Variants in LHX4 observed in about 807,000 individuals in gnomAD.
The protein encoded by LHX4 is LIM/homeobox protein Lhx4.
A neutral mutation model predicts 39.2 loss-of-function variants in LHX4; 16 were observed. The ratio of observed to expected loss-of-function variants is 0.41; its 90% CI spans 0.28 to 0.62. The LOEUF is 0.62. LHX4 is among the 20% of genes least tolerant of loss of function. The pLI, the probability that LHX4 is intolerant of heterozygous loss-of-function variation, is 0.33. For synonymous variants in LHX4, 206 were observed against 198.1 expected, an observed-to-expected ratio of 1.04 and a Z score of -0.33; for missense variants, 439 against 511.9, an observed-to-expected ratio of 0.86 and a Z score of 1.37.
chr1:180,274,274 T>C lies in LHX4; in HGVS notation c.868T>C (p.Phe290Leu). ...VTGGQLMNGS[F>L]SMDGTGQSYQ... ...AGGCGGACAGTTAATGAATGGGAGC[T>C]TCTCCATGGACGGGACAGGACAATC... is the stretch of plus-strand genomic sequence containing the variant. The change falls in exon 6 of 6, where the codon TTC becomes CTC. Residue 290 changes from phenylalanine to leucine, a missense_variant. Phe to Leu is a conservative substitution (Grantham distance 22, BLOSUM62 0). Coordinates refer to ENST00000263726, the MANE Select transcript of LHX4 (RefSeq NM_033343.4). 4.3e-6 allele frequency: 7 copies of C among 1,614,226 alleles called. No homozygotes were observed. The highest frequency in any genetic ancestry group is 5.9e-6 in the Non-Finnish European group (7 of 1,180,046).
upstream of LHX4, among the ~76,000 whole-genome samples, chr1:180,229,296 G>T (rs940972337): frequency 6.6e-6 from 1 of 152,216 alleles, no homozygotes; most frequent in Admixed American, 6.5e-5. Flanking sequence ...CTAAGACAGG[G>T]CCGAGCTGGA....
chr1:180,270,283 G>C (rs1363595498), intron 3 of LHX4: 2 of 152,380 alleles, frequency 1.3e-5, no homozygotes, highest in Non-Finnish European at 2.9e-5. Context: ...GGGTTTTCTT[G>C]AATGGAAAGA....
chr1:180,230,510 T>C lies in LHX4; in HGVS notation c.-20T>C, dbSNP rs772211404. ...GCGAGAGATCTCCGTAGACTGCGACTCGCTGGCTTTCGCTCCGAGATGATG... is the reference window on the plus strand; with the variant it reads ...GCGAGAGATCTCCGTAGACTGCGACCCGCTGGCTTTCGCTCCGAGATGATG... On this transcript the variant is annotated 5_prime_UTR_variant, in exon 1 of 6. Coordinates refer to ENST00000263726, the MANE Select transcript of LHX4 (RefSeq NM_033343.4). This position sits in a 1 kb window ranked among gnomAD's most constrained non-coding sequence, Gnocchi z 5.8. 2 of 1,609,592 alleles carry C rather than the reference T, an allele frequency of 1.2e-6. No homozygotes were observed. The highest frequency in any genetic ancestry group is 2.2e-5 in the South Asian group (2 of 90,778).
In LHX4 at chr1:180,274,231, C is replaced by A; in HGVS notation, c.825C>A (p.Gly275=). 1 of 1,614,188 alleles carries A rather than the reference C, an allele frequency of 6.2e-7. No individual in the cohort carries two copies. Among genetic ancestry groups the A allele is most frequent in the Non-Finnish European group, 8.5e-7 (1 of 1,180,018 alleles). ...TTGGCCACACCAATAGGATTTATGG[C>A]AACGTGGGGGACGTTACAGGCGGAC... The part of the protein sequence containing the change: ...SELGHTNRIY[G]NVGDVTGGQL... Residue 275 remains glycine (G), a synonymous_variant, in exon 6 of 6, where the codon GGC becomes GGA. Transcript: ENST00000263726.
intron 2 of LHX4, among the ~76,000 whole-genome samples, chr1:180,262,379 A>T (rs1473301668): frequency 6.6e-6 from 1 of 151,388 alleles, no homozygotes; most frequent in Non-Finnish European, 1.5e-5. Context: ...ACCTGTCTTT[A>T]CTGCCTCCTT....
chr1:180,242,747 G>A (rs938850732), intron 1 of LHX4, among the ~76,000 whole-genome samples: 4 of 152,158 alleles, frequency 2.6e-5, no homozygotes, highest in African/African-American at 9.7e-5. Context: ...ACCCTCTGCA[G>A]AGCCCCAGCA....
In LHX4 at chr1:180,266,774, C is replaced by T. The variant is rs1243126055; in HGVS notation, c.451+180C>T. ...TGAGAGTAAATGCTGAACACCTCCC[C>T]GGCCGTTAGCACTCGCCGGCTTCAT... On this transcript the variant is annotated intron_variant, in intron 3 of 5. Coordinates refer to ENST00000263726, the MANE Select transcript of LHX4 (RefSeq NM_033343.4). This position sits in a 1 kb window ranked among gnomAD's most constrained non-coding sequence, Gnocchi z 5.7. 1.3e-5 allele frequency among the ~76,000 whole-genome samples: 2 copies of T among 152,202 alleles called. No homozygotes were observed. Among genetic ancestry groups the T allele is most frequent in the East Asian group, 1.9e-4 (1 of 5,198 alleles).
Position 180,277,326 on chromosome 1 carries a change from A to G in LHX4, c.*2747A>G, listed in dbSNP as rs940571593. ...TAGAGGCACTCCTCTGTTGCTTGGA[A>G]GTCTATTATGGGGTATAAGGTGCTA... On this transcript the variant is annotated 3_prime_UTR_variant, in exon 6 of 6. Transcript: ENST00000263726. 1 of 152,228 alleles carries G rather than the reference A, an allele frequency of 6.6e-6. No homozygotes were observed. Among genetic ancestry groups the G allele is most frequent in the Non-Finnish European group, 1.5e-5 (1 of 68,048 alleles). The allele number at this position is 152,228 out of a possible 1,614,324, so 9.4% of individuals were successfully genotyped here.
chr1:180,252,185 G>A (rs1304193331), intron 2 of LHX4, among the ~76,000 whole-genome samples: 1 of 152,180 alleles, frequency 6.6e-6, no homozygotes, highest in African/African-American at 2.4e-5. Context: ...ATGTCACCAG[G>A]CACCTCTTTC....
At position 180,242,819 on chromosome 1, in the gene LHX4, C is replaced by T. The variant is rs140104014; in HGVS notation, c.77-5466C>T. Among the ~76,000 whole-genome samples the T allele has an allele frequency of 9.0e-3, 1,365 of 152,226 alleles. 14 individuals are homozygous for T. The highest frequency in any genetic ancestry group is 0.061 in the Middle Eastern group (18 of 294). On this transcript the variant is annotated intron_variant, in intron 1 of 5. Coordinates refer to ENST00000263726, the MANE Select transcript of LHX4 (RefSeq NM_033343.4). Reference sequence around the variant, plus strand: ...AGAAAAACTTTCATTTTAAGTGAAACGACTCCTCATATTGAGTTGATATTA... The same window carrying T: ...AGAAAAACTTTCATTTTAAGTGAAATGACTCCTCATATTGAGTTGATATTA...
At chr1:180,236,084 G>C (rs1387313864) in intron 1 of LHX4, among the ~76,000 whole-genome samples, 1 of 151,746 alleles carries the variant, frequency 6.6e-6, no homozygotes, top group East Asian at 1.9e-4. Flanking sequence ...GTTAAGGCAA[G>C]AATGTAGACT....
At chr1:180,270,083 C>T (rs2149265221) in intron 3 of LHX4, 1 of 152,404 alleles carries the variant, frequency 6.6e-6, no homozygotes. Flanking sequence ...GGCCGTGTTG[C>T]CCTCTGGACT....
At chr1:180,244,570 A>G (rs1647313674) in intron 1 of LHX4, among the ~76,000 whole-genome samples, 1 of 152,226 alleles carries the variant, frequency 6.6e-6, no homozygotes, top group African/African-American at 2.4e-5. Context: ...GGCTCCCACT[A>G]GATATCCTGC....
In LHX4 at chr1:180,248,167, G is replaced by A. The variant is rs139090056; in HGVS notation, c.77-118G>A. 6.4e-4 allele frequency: 566 copies of A among 886,440 alleles called. 1 individual carries two copies. The highest frequency in any genetic ancestry group is 4.5e-3 in the East Asian group (171 of 38,298). The allele number at this position is 886,440 out of a possible 1,614,324, so 54.9% of individuals were successfully genotyped here. A position where few individuals can be genotyped will look rare whatever the true frequency, so the allele number is the denominator to read the frequency against. ...GTACAACTATATGCAACAGCTCTGCGGTTTGGGCCATGTCTGTTTCCACCA... is the reference window on the plus strand; with the variant it reads ...GTACAACTATATGCAACAGCTCTGCAGTTTGGGCCATGTCTGTTTCCACCA... On this transcript the variant is annotated intron_variant, in intron 1 of 5. Transcript: ENST00000263726.
At chr1:180,260,832 C>T (rs1444198123) in intron 2 of LHX4, among the ~76,000 whole-genome samples, 2 of 151,798 alleles carry the variant, frequency 1.3e-5, no homozygotes, top group African/African-American at 4.9e-5. Flanking sequence ...CCTTGAAGCC[C>T]GCCGCATGTC....
chr1:180,270,743 A>G (rs1648595932), intron 3 of LHX4: 1 of 157,340 alleles, frequency 6.4e-6, no homozygotes, highest in Non-Finnish European at 1.4e-5. Flanking sequence ...TAATGAAATG[A>G]TCTTGCCATT....
intron 2 of LHX4, among the ~76,000 whole-genome samples, chr1:180,254,470 G>A (rs1383967274): frequency 3.3e-5 from 5 of 152,250 alleles, no homozygotes; most frequent in Non-Finnish European, 7.3e-5. Flanking sequence ...GAGCCCGGGA[G>A]CTGCTCCCAT....
At chr1:180,236,278 G>A (rs531876103) in intron 1 of LHX4, among the ~76,000 whole-genome samples, 4 of 152,246 alleles carry the variant, frequency 2.6e-5, no homozygotes, top group African/African-American at 9.6e-5. Flanking sequence ...TGGGCCACAG[G>A]GGCATCTTGT....
rs777438399 is a variant in LHX4, at chr1:180,234,169, T to TTATATATA, written c.76+3609_76+3616dup. 5.9e-3 allele frequency among the ~76,000 whole-genome samples: 315 copies of TTATATATA among 53,390 alleles called. 12 individuals carry two copies. Among genetic ancestry groups the TTATATATA allele is most frequent in the Non-Finnish European group, 7.5e-3 (212 of 28,368 alleles). The allele number at this position is 53,390 out of a possible 152,430, so 35.0% of individuals were successfully genotyped here. On this transcript the variant is annotated intron_variant, in intron 1 of 5. Transcript: ENST00000263726. This position sits in a 1 kb window ranked among gnomAD's most constrained non-coding sequence, Gnocchi z 4.8. Reference sequence around the variant, plus strand: ...AACAGACACACACAACACACACAAATTATATATATATATATATATATATAT... The same window carrying TTATATATA: ...AACAGACACACACAACACACACAAATTATATATATATATATATATATATATATATATAT...
Sources: allele counts gnomAD v4.1 joint callset (sites outside exome capture counted in the v4.1 genomes callset), GRCh38; gene constraint gnomAD v4.1.1; non-coding constraint Gnocchi (gnomAD v3.1); transcripts MANE v1.5; gene names NCBI Gene and HGNC (gene_info 2026-07-23, HGNC 2026-07-21).